MYH9: variants seen among roughly 807,000 people sequenced by gnomAD.
The protein encoded by MYH9 is myosin-9.
Under a neutral mutation model 241.9 loss-of-function variants are expected in MYH9, and 29 were observed. The ratio of observed to expected loss-of-function variants is 0.12; its 90% CI spans 0.09 to 0.16. The LOEUF (loss-of-function observed/expected upper bound fraction) is 0.16, where lower values mean the gene tolerates loss of function less well. Among genes scored for constraint, MYH9 ranks in the 10% least tolerant of loss-of-function variants. The pLI is 1.00. For missense variants in MYH9, 1,803 were observed against 2,595.5 expected, an observed-to-expected ratio of 0.69 and a Z score of 6.63; for synonymous variants, 1,047 against 1,062.6, an observed-to-expected ratio of 0.99 and a Z score of 0.29.
chr22:36,300,944 C>T lies in MYH9; in HGVS notation c.2745G>A (p.Glu915=). ...RLTAKKQELE[E]ICHDLEARVE... ...CCCTGGCCTCTAGGTCATGGCAGAT[C>T]TCTTCTAATTCCTGCTTCTTGGCGG... Residue 915 remains glutamate (E), a synonymous_variant, in exon 22 of 41, where the codon GAG becomes GAA. Coordinates refer to ENST00000216181, the MANE Select transcript of MYH9 (RefSeq NM_002473.6). The surrounding 1 kb of genome is among the most constrained non-coding windows in gnomAD (Gnocchi z 5.0). 6.2e-7 allele frequency: 1 copy of T among 1,610,820 alleles called. No homozygotes were observed. The highest frequency in any genetic ancestry group is 8.5e-7 in the Non-Finnish European group (1 of 1,180,012).
At chr22:36,334,908 G>A (rs2146377901) in intron 3 of MYH9, among the ~76,000 whole-genome samples, 1 of 152,314 alleles carries the variant, frequency 6.6e-6, no homozygotes, top group South Asian at 2.1e-4. Flanking sequence ...AAGCTAAAGA[G>A]GCAGATTCCT....
intron 3 of MYH9, among the ~76,000 whole-genome samples, chr22:36,336,396 T>C (rs1429872801): frequency 6.6e-6 from 1 of 152,194 alleles, no homozygotes; most frequent in Non-Finnish European, 1.5e-5. Context: ...CCACAGCTGC[T>C]TCCACCTGAA....
rs371318791 is a variant in MYH9, at chr22:36,284,004, C to T, written c.5765+89G>A. On this transcript the variant is annotated intron_variant, in intron 40 of 40. Transcript: ENST00000216181. Reference sequence around the variant, plus strand: ...TGTGCAGTCCTTTCTTGGTGACATTCGTGCCTTGCTTGTGGGCTCTGGTTG... The same window carrying T: ...TGTGCAGTCCTTTCTTGGTGACATTTGTGCCTTGCTTGTGGGCTCTGGTTG... 1.3e-5 allele frequency: 20 copies of T among 1,495,494 alleles called. No homozygotes were observed. The East Asian group carries it at 1.6e-4, about 12-fold the overall frequency. The allele number at this position is 1,495,494 out of a possible 1,614,324, so 92.6% of individuals were successfully genotyped here.
chr22:36,318,160 A>G (rs752517110), intron 11 of MYH9, 47 bp downstream of exon 11: 1 of 1,514,624 alleles, frequency 6.6e-7, no homozygotes, highest in Non-Finnish European at 9.2e-7. Context: ...TGCTGCAGGG[A>G]CATTCACCCA....
chr22:36,326,712 A>T (rs776481264), intron 4 of MYH9, 51 bp from the exon 5 acceptor site: 23 of 1,490,182 alleles, frequency 1.5e-5, no homozygotes, highest in Non-Finnish European at 2.2e-5. Flanking sequence ...CAAGTCCTTG[A>T]CCTCTGTCCC....
At position 36,319,524 on chromosome 22, in the gene MYH9, A is replaced by G. The variant is rs548877066; in HGVS notation, c.1108+16T>C. On this transcript the variant is annotated intron_variant, in intron 10 of 40. Coordinates refer to ENST00000216181, the MANE Select transcript of MYH9 (RefSeq NM_002473.6). ...CACCTGCCCCATTATTTCCAGCGAG[A>G]GGCCCCGGGTGTTACCTGTGTTGTC... 6.2e-7 allele frequency: 1 copy of G among 1,613,196 alleles called. No homozygotes were observed. Among genetic ancestry groups the G allele is most frequent in the South Asian group, 1.1e-5 (1 of 91,050 alleles).
intron 1 of MYH9, among the ~76,000 whole-genome samples, chr22:36,360,330 C>A (rs1252330520): frequency 1.3e-5 from 2 of 151,996 alleles, no homozygotes. Context: ...GGTTTCGTGG[C>A]CGAGTAAGGA....
At position 36,288,790 on chromosome 22, in the gene MYH9, G is replaced by A. The variant is rs576697687; in HGVS notation, c.4707C>T (p.Phe1569=). The A allele has an allele frequency of 6.2e-6, 10 of 1,612,200 alleles. No homozygotes were observed. The highest frequency in any genetic ancestry group is 5.3e-5 in the African/African-American group (4 of 74,976). ...CGTCCCGGCCCTGCAGGTCCCGCTC[G>A]AACTGGGCCTTCATGGCCTGCAGGT... ...EVNLQAMKAQ[F]ERDLQGRDEQ... Residue 1569 remains phenylalanine, a synonymous_variant, in exon 33 of 41, where the codon TTC becomes TTT. Coordinates refer to ENST00000216181, the MANE Select transcript of MYH9 (RefSeq NM_002473.6). The surrounding 1 kb of genome is among the most constrained non-coding windows in gnomAD (Gnocchi z 4.8).
chr22:36,282,797 G>GTT lies in MYH9; in HGVS notation c.5766-13_5766-12insAA. On this transcript the variant is annotated splice_polypyrimidine_tract_variant and intron_variant, in intron 40 of 40. Transcript: ENST00000216181. ...GCAGGTCCCCGCGCCTGGGGGCAGA[G>GTT]GTAGAAGCAGAGGGTCAGCGGGCCC... 1 of 1,605,108 alleles carries GTT rather than the reference G, an allele frequency of 6.2e-7. No individual in the cohort carries two copies. Among genetic ancestry groups the GTT allele is most frequent in the Non-Finnish European group, 8.5e-7 (1 of 1,178,144 alleles).
intron 14 of MYH9, 51 bp from the exon 15 acceptor site, chr22:36,309,447 G>T (rs1341704236): frequency 1.5e-6 from 2 of 1,375,766 alleles, no homozygotes; most frequent in Admixed American, 3.4e-5. Flanking sequence ...GGACATGTGT[G>T]CTCACAGGGT....
At chr22:36,307,841 T>C (rs1009157952) in intron 15 of MYH9, among the ~76,000 whole-genome samples, 3 of 151,312 alleles carry the variant, frequency 2.0e-5, no homozygotes, top group African/African-American at 4.9e-5. Context: ...TGAGCCGAGA[T>C]TGCACCATGG....
In MYH9 at chr22:36,318,273, T is replaced by G. The variant is rs1412531533; in HGVS notation, c.1161A>C (p.Arg387Ser). 1.2e-6 allele frequency: 2 copies of G among 1,614,198 alleles called. No homozygotes were observed. The highest frequency in any genetic ancestry group is 1.7e-6 in the Non-Finnish European group (2 of 1,180,036). ...LLGINVTDFT[R>S]GILTPRIKVG... ...CCTTGATGCGCGGGGTGAGGATTCC[T>G]CTGGTGAAATCGGTCACATTGATAC... is the stretch of plus-strand genomic sequence containing the variant. The change falls in exon 11 of 41, where the codon AGA (arginine) becomes AGC (serine). Residue 387 changes from arginine (R) to serine (S), a missense_variant. Transcript: ENST00000216181.
chr22:36,320,168 G>A lies in MYH9; in HGVS notation c.1012+52C>T. 1 of 1,613,052 alleles carries A rather than the reference G, an allele frequency of 6.2e-7. No homozygotes were observed. The highest frequency in any genetic ancestry group is 8.5e-7 in the Non-Finnish European group (1 of 1,179,866). ...CTACCCTGATGCCCCGAGGCCGTGG[G>A]TACCAGCCTTCCTCTGCCCCACACT... On this transcript the variant is annotated intron_variant, in intron 9 of 40. Transcript: ENST00000216181. This position sits in a 1 kb window ranked among gnomAD's most constrained non-coding sequence, Gnocchi z 4.8.
intron 19 of MYH9, among the ~76,000 whole-genome samples, chr22:36,302,885 C>A (rs954966112): frequency 6.6e-6 from 1 of 152,182 alleles, no homozygotes; most frequent in African/African-American, 2.4e-5. Context: ...ATCTTACAGT[C>A]GGTGAAGGAC....
chr22:36,298,767 G>A (rs2016827950), intron 24 of MYH9, 152 bp downstream of exon 24: 1 of 1,194,666 alleles, frequency 8.4e-7, no homozygotes, highest in African/African-American at 1.5e-5. Context: ...GGTGACCTCA[G>A]GTCTAAAGGG....
chr22:36,347,886 G>C (rs969264612), intron 2 of MYH9, among the ~76,000 whole-genome samples: 19 of 151,418 alleles, frequency 1.3e-4, no homozygotes, highest in Admixed American at 8.6e-4. Context: ...AGGAGATCCA[G>C]TGATGCAAGA....
intron 15 of MYH9, chr22:36,308,937 A>G (rs2017015104): frequency 1.1e-6 from 1 of 893,772 alleles, no homozygotes; most frequent in African/African-American, 1.8e-5. Flanking sequence ...AAGAATTAAA[A>G]AGAACCACTC....
chr22:36,286,970 T>C, intron 34 of MYH9, 124 bp from the exon 35 acceptor site: 2 of 1,436,606 alleles, frequency 1.4e-6, no homozygotes, highest in Admixed American at 3.5e-5. Context: ...TTTAACCAAC[T>C]AACCGTGGTG....
At chr22:36,360,079 A>ACCACCACCAC (rs1556644747) in intron 1 of MYH9, among the ~76,000 whole-genome samples, 4 of 46,498 alleles carry the variant, frequency 8.6e-5, no homozygotes, top group Admixed American at 3.2e-4. Flanking sequence ...CCACCACCTA[A>ACCACCACCAC]CATCAGAAGA....
Sources: allele counts gnomAD v4.1 joint callset (sites outside exome capture counted in the v4.1 genomes callset), GRCh38; gene constraint gnomAD v4.1.1; non-coding constraint Gnocchi (gnomAD v3.1); transcripts MANE v1.5; gene names NCBI Gene and HGNC (gene_info 2026-07-23, HGNC 2026-07-21).